The following CATSPERE variants were observed in gnomAD, a reference collection of about 807,000 sequenced individuals.
The protein encoded by CATSPERE is cation channel sperm-associated auxiliary subunit epsilon.
A neutral mutation model predicts 114.1 loss-of-function variants in CATSPERE; 93 were observed. That is an observed-to-expected ratio of 0.81 (90% confidence interval 0.69 to 0.97). The LOEUF (loss-of-function observed/expected upper bound fraction) is 0.97. CATSPERE is among the 50% of genes least tolerant of loss of function. CATSPERE has a pLI of 0.00. For missense variants in CATSPERE, 1,058 were observed against 1,131.6 expected (o/e 0.93, Z 0.93); for synonymous variants, 341 against 384.1 (o/e 0.89, Z 1.31).
chr1:244,491,204 T>C (rs973850835), intron 6 of CATSPERE, among the ~76,000 whole-genome samples: 1 of 151,946 alleles, frequency 6.6e-6, no homozygotes, highest in Non-Finnish European at 1.5e-5. Flanking sequence ...AGTAAAGCTC[T>C]CCTCAGCAAA....
At chr1:244,562,838 A>G (rs1662787202) in intron 10 of CATSPERE, among the ~76,000 whole-genome samples, 1 of 152,216 alleles carries the variant, frequency 6.6e-6, no homozygotes, top group Middle Eastern at 3.4e-3. Context: ...GCACCCAGCA[A>G]CCTGTCATCT....
intron 20 of CATSPERE, among the ~76,000 whole-genome samples, chr1:244,628,010 A>G (rs575946467): frequency 6.6e-6 from 1 of 152,362 alleles, no homozygotes; most frequent in East Asian, 1.9e-4. Flanking sequence ...CATCCTGGCT[A>G]TCAGATCCAT....
intron 13 of CATSPERE, among the ~76,000 whole-genome samples, chr1:244,588,193 CAAAAAAAA>C (rs34464391): frequency 9.3e-6 from 1 of 107,988 alleles, no homozygotes; most frequent in Non-Finnish European, 1.9e-5. Flanking sequence ...GACTTCATCT[CAAAAAAAA>C]AAAAAAAAAA....
At chr1:244,462,233 T>TA (rs1459653396) in intron 1 of CATSPERE, among the ~76,000 whole-genome samples, 1 of 152,234 alleles carries the variant, frequency 6.6e-6, no homozygotes, top group East Asian at 1.9e-4. Flanking sequence ...CCCTTTTCAT[T>TA]AAAAAATAGC....
At position 244,463,863 on chromosome 1, in the gene CATSPERE, G is replaced by A. The variant is rs1667185863; in HGVS notation, c.66-45G>A. 3.4e-6 allele frequency: 5 copies of A among 1,473,146 alleles called. No individual in the cohort carries two copies. The East Asian group carries it at 1.1e-4, about 33-fold the overall frequency. The allele number at this position is 1,473,146 out of a possible 1,614,324, so 91.3% of individuals were successfully genotyped here. A position where few individuals can be genotyped will look rare whatever the true frequency, so the allele number is the denominator to read the frequency against. On this transcript the variant is annotated intron_variant, in intron 1 of 21. Transcript: ENST00000366534. ...CATGTAGAGAATCCTCATATTTGAA[G>A]AATAAATTAGTTTTAATATTTATAC... is the stretch of plus-strand genomic sequence containing the variant.
chr1:244,472,720 C>T (rs924917234), intron 2 of CATSPERE, among the ~76,000 whole-genome samples: 1 of 152,146 alleles, frequency 6.6e-6, no homozygotes, highest in East Asian at 1.9e-4. Context: ...CATGTTTCTA[C>T]CATTATAGTA....
chr1:244,636,474 G>A (rs1674642944), intron 21 of CATSPERE: 1 of 152,156 alleles, frequency 6.6e-6, no homozygotes, highest in Non-Finnish European at 1.5e-5. Context: ...ATAACTTTGG[G>A]AAACATGCAG....
Position 244,633,766 on chromosome 1 carries a change from C to G in CATSPERE, c.2649-1723C>G, listed in dbSNP as rs1293337272. On this transcript the variant is annotated intron_variant, in intron 20 of 21. Coordinates refer to ENST00000366534, the MANE Select transcript of CATSPERE (RefSeq NM_001130957.2). This position sits in a 1 kb window ranked among gnomAD's most constrained non-coding sequence, Gnocchi z 4.1. ...TCATCTCTCCCTACACCTGGAATGCCCTAACCCTTCATCCTTATTTAAACT... is the reference window on the plus strand; with the variant it reads ...TCATCTCTCCCTACACCTGGAATGCGCTAACCCTTCATCCTTATTTAAACT... Among the ~76,000 whole-genome samples the G allele has an allele frequency of 6.6e-6, 1 of 152,098 alleles. No homozygotes were observed. The highest frequency in any genetic ancestry group is 2.4e-5 in the African/African-American group (1 of 41,416).
At chr1:244,613,470 T>A (rs556502192) in intron 19 of CATSPERE, among the ~76,000 whole-genome samples, 98 of 151,790 alleles carry the variant, frequency 6.5e-4, no homozygotes, top group Non-Finnish European at 1.3e-3. Context: ...AAATTAAATA[T>A]AATCAAGAGT....
chr1:244,567,041 G>C (rs1220716355), intron 10 of CATSPERE, among the ~76,000 whole-genome samples: 1 of 152,082 alleles, frequency 6.6e-6, no homozygotes, highest in Non-Finnish European at 1.5e-5. Flanking sequence ...GGCAGGCCTG[G>C]TGGTGACAAA....
Position 244,560,750 on chromosome 1 carries a change from TA to T in CATSPERE, c.1113del (p.Val372Ter). 1 of 1,614,034 alleles carries T rather than the reference TA, an allele frequency of 6.2e-7. No individual in the cohort carries two copies. The highest frequency in any genetic ancestry group is 8.5e-7 in the Non-Finnish European group (1 of 1,179,972). On this transcript the variant is annotated frameshift_variant, in exon 10 of 22. Coordinates refer to ENST00000366534, the MANE Select transcript of CATSPERE (RefSeq NM_001130957.2). LOFTEE classifies it high-confidence loss of function. ...TCCATTCTTCTTAAGTTTGCCAGAT[TA>T]GTAACTACCACAGAACTGAAAAACA... ...LGSILLKFAR[L>X]VTTTELKNIL...
chr1:244,578,675 CTCTG>C (rs1665661921), intron 11 of CATSPERE, among the ~76,000 whole-genome samples: 1 of 151,084 alleles, frequency 6.6e-6, no homozygotes, highest in South Asian at 2.1e-4. Flanking sequence ...AGCTCTCTCT[CTCTG>C]TCTCTCTCTC....
chr1:244,526,026 A>G (rs779629889), intron 8 of CATSPERE, among the ~76,000 whole-genome samples: 3 of 152,212 alleles, frequency 2.0e-5, no homozygotes, highest in Non-Finnish European at 4.4e-5. Flanking sequence ...CTGAAGCTCT[A>G]ACAGCACAAG....
chr1:244,590,639 A>C (rs775157129), intron 14 of CATSPERE, among the ~76,000 whole-genome samples: 1 of 152,158 alleles, frequency 6.6e-6, no homozygotes, highest in Non-Finnish European at 1.5e-5. Context: ...CTGTCTCAAA[A>C]CCATAATCTC....
chr1:244,563,400 A>G (rs967797651), intron 10 of CATSPERE, among the ~76,000 whole-genome samples: 19 of 152,262 alleles, frequency 1.2e-4, no homozygotes, highest in African/African-American at 3.8e-4. Flanking sequence ...AAGCATTCCT[A>G]TTTCTCCACG....
At chr1:244,532,147 G>A (rs1220296720) in intron 8 of CATSPERE, among the ~76,000 whole-genome samples, 1 of 152,016 alleles carries the variant, frequency 6.6e-6, no homozygotes, top group Non-Finnish European at 1.5e-5. Context: ...ATGATCCTTT[G>A]AATTTCTGTG....
intron 8 of CATSPERE, among the ~76,000 whole-genome samples, chr1:244,548,054 CGAAT>C (rs1558473781): frequency 6.6e-6 from 1 of 152,168 alleles, no homozygotes; most frequent in Admixed American, 6.5e-5. Flanking sequence ...AAATTGGTGA[CGAAT>C]AAATATGGGG....
intron 20 of CATSPERE, among the ~76,000 whole-genome samples, chr1:244,624,882 A>G (rs953497498): frequency 6.6e-6 from 1 of 151,956 alleles, no homozygotes; most frequent in Non-Finnish European, 1.5e-5. Context: ...TTATCATGAC[A>G]TTGTGGCAAT....
intron 8 of CATSPERE, among the ~76,000 whole-genome samples, chr1:244,537,976 AT>A (rs1418113976): frequency 1.4e-4 from 22 of 152,248 alleles, no homozygotes; most frequent in African/African-American, 5.3e-4. Context: ...GGATTTTTCT[AT>A]TTCTCTTTGC....
Sources: allele counts gnomAD v4.1 joint callset (sites outside exome capture counted in the v4.1 genomes callset), GRCh38; gene constraint gnomAD v4.1.1; non-coding constraint Gnocchi (gnomAD v3.1); transcripts MANE v1.5; gene names NCBI Gene and HGNC (gene_info 2026-07-23, HGNC 2026-07-21).